DSE: variants seen among roughly 807,000 people sequenced by gnomAD.
DSE encodes dermatan sulfate epimerase.
A neutral mutation model predicts 84.4 loss-of-function variants in DSE; 36 were observed. The observed-to-expected ratio is 0.43, with a 90% CI of 0.33 to 0.56. The LOEUF (loss-of-function observed/expected upper bound fraction) is 0.56, where lower values mean the gene tolerates loss of function less well. DSE is among the 20% of genes least tolerant of loss of function. The pLI is 0.06. For missense variants in DSE, 862 were observed against 1,169.6 expected, an observed-to-expected ratio of 0.74 and a Z score of 3.84; for synonymous variants, 410 against 430.1, an observed-to-expected ratio of 0.95 and a Z score of 0.58.
At chr6:116,340,114 CAGA>C (rs1169109945) in intron 2 of DSE, among the ~76,000 whole-genome samples, 3 of 152,202 alleles carry the variant, frequency 2.0e-5, no homozygotes, top group African/African-American at 2.4e-5. Context: ...GAGTTTCAGG[CAGA>C]AGGTTTATCT....
chr6:116,297,034 G>C (rs762504586), intron 2 of DSE, among the ~76,000 whole-genome samples: 1 of 152,170 alleles, frequency 6.6e-6, no homozygotes, highest in Non-Finnish European at 1.5e-5. Context: ...GGTTGTAGCT[G>C]TAGACACTGT....
At chr6:116,274,424 G>A (rs1562194687) in intron 2 of DSE, among the ~76,000 whole-genome samples, 1 of 151,846 alleles carries the variant, frequency 6.6e-6, no homozygotes, top group Admixed American at 6.6e-5. Flanking sequence ...TTAGCCGGGC[G>A]TGGTGGCGCA....
upstream of DSE, chr6:116,367,306 C>T (rs1338481371): frequency 1.3e-5 from 2 of 152,186 alleles, no homozygotes; most frequent in African/African-American, 4.8e-5. Flanking sequence ...TCTATAGGTG[C>T]AGGGTAAGGC....
At chr6:116,293,132 T>C (rs1381724040) in intron 2 of DSE, among the ~76,000 whole-genome samples, 1 of 152,156 alleles carries the variant, frequency 6.6e-6, no homozygotes, top group East Asian at 1.9e-4. Context: ...TATAATTAAC[T>C]ACAGAATTCA....
rs767267238 is a variant in DSE at position 116,371,080 on chromosome 6, G to A, written c.-95G>A. 496 of 986,196 alleles carry A rather than the reference G, an allele frequency of 5.0e-4. No individual in the cohort carries two copies. Among genetic ancestry groups the A allele is most frequent in the Middle Eastern group, 1.0e-3 (2 of 1,918 alleles). 61.1% of individuals were successfully genotyped at this position (986,196 alleles called of 1,614,324 possible). ...GGACCGGGAGCTGGCTCTGGAGGCT[G>A]CGGAGGCGACGCCGGAGAGAACGAA... On this transcript the variant is annotated 5_prime_UTR_variant, in exon 1 of 6. Coordinates refer to ENST00000644252, the MANE Select transcript of DSE (RefSeq NM_013352.4).
At chr6:116,345,908 T>C (rs1185805926) in intron 2 of DSE, among the ~76,000 whole-genome samples, 1 of 151,952 alleles carries the variant, frequency 6.6e-6, no homozygotes, top group Non-Finnish European at 1.5e-5. Flanking sequence ...AAGAATCAAA[T>C]AGATGGAATA....
chr6:116,311,828 G>C (rs1775710608), intron 2 of DSE, among the ~76,000 whole-genome samples: 1 of 152,016 alleles, frequency 6.6e-6, no homozygotes, highest in Non-Finnish European at 1.5e-5. Flanking sequence ...CTCTTGGCTT[G>C]CTCTGTTCTT....
chr6:116,256,034 G>C (rs977614819), intron 1 of DSE: 9 of 152,262 alleles, frequency 5.9e-5, no homozygotes, highest in Non-Finnish European at 1.0e-4. Context: ...GATTGTACTA[G>C]GCAGTTTAAA....
chr6:116,320,788 T>C (rs545635520), intron 2 of DSE, among the ~76,000 whole-genome samples: 187 of 152,320 alleles, frequency 1.2e-3, no homozygotes, highest in Non-Finnish European at 1.3e-4. Context: ...ACCAGTGATA[T>C]TGGATTAGGG....
At chr6:116,368,935 C>CG (rs903293154), upstream of DSE, among the ~76,000 whole-genome samples, 2 of 32,634 alleles carry the variant, frequency 6.1e-5, no homozygotes, top group African/African-American at 1.2e-4. Flanking sequence ...TGGGCGGGGG[C>CG]GGGGGGACGG....
intron 2 of DSE, among the ~76,000 whole-genome samples, chr6:116,407,306 T>TG (rs1042308696): frequency 1.2e-4 from 19 of 152,164 alleles, no homozygotes; most frequent in African/African-American, 4.6e-4. Context: ...TCAAATGAGA[T>TG]GGAGAATATG....
chr6:116,353,370 T>G (rs1036718052), intron 2 of DSE, among the ~76,000 whole-genome samples: 15 of 152,206 alleles, frequency 9.9e-5, no homozygotes, highest in African/African-American at 3.1e-4. Context: ...GATATTTTCC[T>G]TTGTAGTATT....
At chr6:116,307,558 T>A (rs968381068) in intron 2 of DSE, among the ~76,000 whole-genome samples, 1 of 152,236 alleles carries the variant, frequency 6.6e-6, no homozygotes, top group African/African-American at 2.4e-5. Context: ...AAAAATGAGA[T>A]GCTGTTACTA....
intron 2 of DSE, among the ~76,000 whole-genome samples, chr6:116,357,234 C>G (rs1778626562): frequency 6.6e-6 from 1 of 152,070 alleles, no homozygotes; most frequent in Non-Finnish European, 1.5e-5. Flanking sequence ...GCCCTTTAGC[C>G]ACAAAAACAA....
rs1481464084 is a variant in DSE, at chr6:116,438,106, C to A, written c.*761C>A. 6.6e-6 allele frequency: 1 copy of A among 152,412 alleles called. No individual in the cohort carries two copies. Among genetic ancestry groups the A allele is most frequent in the Non-Finnish European group, 1.5e-5 (1 of 67,962 alleles). The allele number at this position is 152,412 out of a possible 1,614,324, so 9.4% of individuals were successfully genotyped here. A position where few individuals can be genotyped will look rare whatever the true frequency, so the allele number is the denominator to read the frequency against. On this transcript the variant is annotated 3_prime_UTR_variant, in exon 6 of 6. Transcript: ENST00000644252. ...TACTGTATTTTCCTTATATGGAAAA[C>A]CGTTATAGACCCAATAACAACTAAA...
intron 2 of DSE, among the ~76,000 whole-genome samples, chr6:116,421,701 T>A (rs1783106753): frequency 6.6e-6 from 1 of 151,780 alleles, no homozygotes; most frequent in African/African-American, 2.4e-5. Flanking sequence ...GCTCAGGCAA[T>A]CCTCCTACCT....
At chr6:116,296,293 A>G (rs976247402) in intron 2 of DSE, among the ~76,000 whole-genome samples, 11 of 152,152 alleles carry the variant, frequency 7.2e-5, no homozygotes, top group Non-Finnish European at 1.3e-4. Context: ...TTTAATTTGT[A>G]TTATTGTTTA....
At chr6:116,397,419 A>T (rs185338515) in intron 1 of DSE, among the ~76,000 whole-genome samples, 1 of 151,650 alleles carries the variant, frequency 6.6e-6, no homozygotes, top group Non-Finnish European at 1.5e-5. Context: ...TTTGGCCAGG[A>T]TGGTCTTCAA....
chr6:116,299,267 C>G (rs1459335520), intron 2 of DSE, among the ~76,000 whole-genome samples: 2 of 151,810 alleles, frequency 1.3e-5, no homozygotes, highest in African/African-American at 4.8e-5. Flanking sequence ...GGAAATTTGT[C>G]TCTAGTTAAT....
Sources: gnomAD v4.1 joint callset for allele counts (sites outside exome capture counted in the v4.1 genomes callset) on GRCh38, gnomAD v4.1.1 for gene constraint, MANE v1.5 for transcripts, NCBI Gene and HGNC (gene_info 2026-07-23, HGNC 2026-07-21) for gene names.